DCPS: variants seen among roughly 807,000 people sequenced by gnomAD.
DCPS encodes the protein decapping enzyme, scavenger, also known as m7GpppX diphosphatase.
A neutral mutation model predicts 34.7 loss-of-function variants in DCPS; 27 were observed. The ratio of observed to expected loss-of-function variants is 0.78; its 90% CI spans 0.57 to 1.07. The LOEUF (loss-of-function observed/expected upper bound fraction) is 1.07, where lower values mean the gene tolerates loss of function less well. Among genes scored for constraint, DCPS ranks in the 50% least tolerant of loss-of-function variants. The probability of loss-of-function intolerance (pLI) is 0.00; values close to 1 mark genes in which losing one functional copy is unlikely to be tolerated. For missense variants in DCPS, 464 were observed against 436.9 expected (o/e 1.06, Z -0.55); for synonymous variants, 185 against 185.7 (o/e 1.00, Z 0.03).
chr11:126,343,999 C>T lies in DCPS; in HGVS notation c.747+582C>T, dbSNP rs150186003. Among the ~76,000 whole-genome samples, 734 of 152,266 alleles carry T rather than the reference C, an allele frequency of 4.8e-3. 6 individuals are homozygous for T. Among genetic ancestry groups the T allele is most frequent in the African/African-American group, 0.015 (613 of 41,550 alleles). On this transcript the variant is annotated intron_variant, in intron 5 of 5. Transcript: ENST00000263579. Reference sequence around the variant, plus strand: ...TCCTGGCCTGACATTTGGACCCTAACCAGCTGAGTGGCCTGGGGCAGGTCA... The same window carrying T: ...TCCTGGCCTGACATTTGGACCCTAATCAGCTGAGTGGCCTGGGGCAGGTCA...
Position 126,329,755 on chromosome 11 carries a change from C to T in DCPS, c.377-1650C>T, listed in dbSNP as rs1331619722. 9.2e-5 allele frequency among the ~76,000 whole-genome samples: 14 copies of T among 152,256 alleles called. No individual in the cohort carries two copies. Among genetic ancestry groups the T allele is most frequent in the African/African-American group, 2.2e-4 (9 of 41,548 alleles). ...CACCCTCTTCACTGACGTATGAAAG[C>T]GGGGTTAAAACCACCTATGACCTCA... On this transcript the variant is annotated intron_variant, in intron 2 of 5. Coordinates refer to ENST00000263579, the MANE Select transcript of DCPS (RefSeq NM_014026.6). The surrounding 1 kb of genome is among the most constrained non-coding windows in gnomAD (Gnocchi z 5.0).
Position 126,326,000 on chromosome 11 carries a change from C to A in DCPS, c.377-5405C>A, listed in dbSNP as rs1591386570. 2.0e-5 allele frequency among the ~76,000 whole-genome samples: 3 copies of A among 152,250 alleles called. No homozygotes were observed. The highest frequency in any genetic ancestry group is 6.5e-5 in the Admixed American group (1 of 15,288). ...AGGCGTGGTGGCGTGGGCCTGTAATCCTAGCTACTGGGGACGCTGAGGCAG... is the reference window on the plus strand; with the variant it reads ...AGGCGTGGTGGCGTGGGCCTGTAATACTAGCTACTGGGGACGCTGAGGCAG... On this transcript the variant is annotated intron_variant, in intron 2 of 5. Transcript: ENST00000263579. The surrounding 1 kb of genome is among the most constrained non-coding windows in gnomAD (Gnocchi z 4.3).
rs1223236639 is a variant in DCPS, at chr11:126,328,380, G to A, written c.377-3025G>A. Among the ~76,000 whole-genome samples the A allele has an allele frequency of 6.6e-6, 1 of 152,148 alleles. No individual in the cohort carries two copies. Among genetic ancestry groups the A allele is most frequent in the Non-Finnish European group, 1.5e-5 (1 of 68,012 alleles). On this transcript the variant is annotated intron_variant, in intron 2 of 5. Transcript: ENST00000263579. This position sits in a 1 kb window ranked among gnomAD's most constrained non-coding sequence, Gnocchi z 6.6. ...TTAGGAGTGAGTGCTCTAGGGGGACGTGGGGAGCTCTGAGAGTCCTGCAGT... is the reference window on the plus strand; with the variant it reads ...TTAGGAGTGAGTGCTCTAGGGGGACATGGGGAGCTCTGAGAGTCCTGCAGT...
intron 5 of DCPS, among the ~76,000 whole-genome samples, chr11:126,343,870 TTC>T (rs1329618066): frequency 1.3e-5 from 2 of 152,194 alleles, no homozygotes; most frequent in Non-Finnish European, 2.9e-5. Flanking sequence ...CTGGGATACT[TTC>T]TCTCTGGGAT....
chr11:126,326,876 T>TTG, intron 2 of DCPS, among the ~76,000 whole-genome samples: 1 of 151,052 alleles, frequency 6.6e-6, no homozygotes, highest in Non-Finnish European at 1.5e-5. Flanking sequence ...TGAGCCGAGA[T>TTG]CACGCCACTG....
In DCPS at chr11:126,322,172, G is replaced by A. The variant is rs112620004; in HGVS notation, c.377-9233G>A. Reference sequence around the variant, plus strand: ...TTTGAGATCCAACCACACCATCAGGGCATTGGAGACAGAAGAAAACAGGTC... The same window carrying A: ...TTTGAGATCCAACCACACCATCAGGACATTGGAGACAGAAGAAAACAGGTC... On this transcript the variant is annotated intron_variant, in intron 2 of 5. Transcript: ENST00000263579. This position sits in a 1 kb window ranked among gnomAD's most constrained non-coding sequence, Gnocchi z 4.2. Among the ~76,000 whole-genome samples, 1 of 152,316 alleles carries A rather than the reference G, an allele frequency of 6.6e-6. No individual in the cohort carries two copies. Among genetic ancestry groups the A allele is most frequent in the African/African-American group, 2.4e-5 (1 of 41,576 alleles).
At position 126,334,619 on chromosome 11, in the gene DCPS, C is replaced by T. The variant is rs1015592064; in HGVS notation, c.522+3069C>T. The stretch of plus-strand genomic sequence containing the variant: ...TTGGCCTCCCAAAGTGCTGGGATTA[C>T]AGGTGTGAGCCACCGCACCCAGCCT... On this transcript the variant is annotated intron_variant, in intron 3 of 5. Transcript: ENST00000263579. The surrounding 1 kb of genome is among the most constrained non-coding windows in gnomAD (Gnocchi z 5.5). Among the ~76,000 whole-genome samples, 15 of 152,204 alleles carry T rather than the reference C, an allele frequency of 9.9e-5. No individual in the cohort carries two copies. Among genetic ancestry groups the T allele is most frequent in the African/African-American group, 2.9e-4 (12 of 41,452 alleles).
At position 126,347,416 on chromosome 11, in the gene DCPS, G is replaced by A. The variant is rs896510668; in HGVS notation, c.*1803G>A. Among the ~76,000 whole-genome samples, 112 of 152,010 alleles carry A rather than the reference G, an allele frequency of 7.4e-4. No individual in the cohort carries two copies. The highest frequency in any genetic ancestry group is 2.6e-3 in the African/African-American group (109 of 41,396). On this transcript the variant is annotated 3_prime_UTR_variant, in exon 6 of 6. Transcript: ENST00000263579. This position sits in a 1 kb window ranked among gnomAD's most constrained non-coding sequence, Gnocchi z 4.2. ...TTTTTGTATTTTTAGTAGAGACGGG[G>A]TTTCACCATGTTGGCCAGGCTGGTC... is the stretch of plus-strand genomic sequence containing the variant.
In DCPS at chr11:126,333,839, C is replaced by T. The variant is rs1481010373; in HGVS notation, c.522+2289C>T. On this transcript the variant is annotated intron_variant, in intron 3 of 5. Transcript: ENST00000263579. The surrounding 1 kb of genome is among the most constrained non-coding windows in gnomAD (Gnocchi z 5.7). ...GCACTATTCCATATCTGCTGAATCT[C>T]ACGCTTCAGGGAGTGGAGCTGGGAA... is the stretch of plus-strand genomic sequence containing the variant. Among the ~76,000 whole-genome samples the T allele has an allele frequency of 6.6e-6, 1 of 152,008 alleles. No homozygotes were observed. Among genetic ancestry groups the T allele is most frequent in the African/African-American group, 2.4e-5 (1 of 41,354 alleles).
intron 4 of DCPS, among the ~76,000 whole-genome samples, chr11:126,339,308 G>A (rs1207376605): frequency 6.6e-6 from 1 of 152,300 alleles, no homozygotes; most frequent in Non-Finnish European, 1.5e-5. Context: ...TCTGCTTTCG[G>A]TGGGCCCGTC....
intron 2 of DCPS, among the ~76,000 whole-genome samples, chr11:126,311,313 C>T (rs115878390): frequency 6.6e-6 from 1 of 152,354 alleles, no homozygotes; most frequent in African/African-American, 2.4e-5. Flanking sequence ...CCTGGCTTTG[C>T]CATTTGCTAA....
rs1314184441 is a variant in DCPS, at chr11:126,348,933, ACGT to A, written c.*3322_*3324del. ...TGTCTTGTCCAGCATTATGGAGTGAACGTCAGCTCCAGGAAGCAGAGACTTCTG... is the reference window on the plus strand; with the variant it reads ...TGTCTTGTCCAGCATTATGGAGTGAACAGCTCCAGGAAGCAGAGACTTCTG... On this transcript the variant is annotated 3_prime_UTR_variant, in exon 6 of 6. Transcript: ENST00000263579. The surrounding 1 kb of genome is among the most constrained non-coding windows in gnomAD (Gnocchi z 5.3). 6.6e-6 allele frequency among the ~76,000 whole-genome samples: 1 copy of A among 152,222 alleles called. No individual in the cohort carries two copies. The highest frequency in any genetic ancestry group is 1.5e-5 in the Non-Finnish European group (1 of 68,048).
rs1256240532 is a variant in DCPS, at chr11:126,335,237, G to T, written c.523-3049G>T. Among the ~76,000 whole-genome samples the T allele has an allele frequency of 6.6e-6, 1 of 152,234 alleles. No individual in the cohort carries two copies. Among genetic ancestry groups the T allele is most frequent in the Non-Finnish European group, 1.5e-5 (1 of 68,034 alleles). ...GAAGGAGCAAGATGTCTCACGGGAG[G>T]TCAAGGCGGGAGAGAGGGTACCGAG... On this transcript the variant is annotated intron_variant, in intron 3 of 5. Transcript: ENST00000263579. This position sits in a 1 kb window ranked among gnomAD's most constrained non-coding sequence, Gnocchi z 4.8.
In DCPS at chr11:126,320,136, C is replaced by T. The variant is rs1951693648; in HGVS notation, c.377-11269C>T. 6.6e-6 allele frequency among the ~76,000 whole-genome samples: 1 copy of T among 151,922 alleles called. No homozygotes were observed. Among genetic ancestry groups the T allele is most frequent in the Non-Finnish European group, 1.5e-5 (1 of 67,990 alleles). ...TCCTGACCTCAAGTGATCCACCTGC[C>T]TCAGCCTCTCAAAGTGCTGGGATTA... On this transcript the variant is annotated intron_variant, in intron 2 of 5. Transcript: ENST00000263579. This position sits in a 1 kb window ranked among gnomAD's most constrained non-coding sequence, Gnocchi z 4.7.
At position 126,347,690 on chromosome 11, in the gene DCPS, G is replaced by A. The variant is rs1182287654; in HGVS notation, c.*2077G>A. ...TCTTGGGCTAAGCAAATACTTTTGT[G>A]GGCAGTGACACTGGCAGCTGCTGGG... is the stretch of plus-strand genomic sequence containing the variant. On this transcript the variant is annotated 3_prime_UTR_variant, in exon 6 of 6. Coordinates refer to ENST00000263579, the MANE Select transcript of DCPS (RefSeq NM_014026.6). The surrounding 1 kb of genome is among the most constrained non-coding windows in gnomAD (Gnocchi z 4.2). Among the ~76,000 whole-genome samples, 2 of 152,186 alleles carry A rather than the reference G, an allele frequency of 1.3e-5. No homozygotes were observed. Among genetic ancestry groups the A allele is most frequent in the African/African-American group, 2.4e-5 (1 of 41,458 alleles).
intron 2 of DCPS, among the ~76,000 whole-genome samples, chr11:126,309,081 A>C (rs1289964957): frequency 6.7e-6 from 1 of 149,818 alleles, no homozygotes; most frequent in Non-Finnish European, 1.5e-5. Flanking sequence ...CTGGAGTGCA[A>C]TGGCACGTTC....
At position 126,335,245 on chromosome 11, in the gene DCPS, G is replaced by T. The variant is rs939314637; in HGVS notation, c.523-3041G>T. ...AAGATGTCTCACGGGAGGTCAAGGCGGGAGAGAGGGTACCGAGGGAGCTGC... is the reference window on the plus strand; with the variant it reads ...AAGATGTCTCACGGGAGGTCAAGGCTGGAGAGAGGGTACCGAGGGAGCTGC... On this transcript the variant is annotated intron_variant, in intron 3 of 5. Coordinates refer to ENST00000263579, the MANE Select transcript of DCPS (RefSeq NM_014026.6). The surrounding 1 kb of genome is among the most constrained non-coding windows in gnomAD (Gnocchi z 4.8). Among the ~76,000 whole-genome samples, 1 of 152,220 alleles carries T rather than the reference G, an allele frequency of 6.6e-6. No homozygotes were observed.
At position 126,342,836 on chromosome 11, in the gene DCPS, T is replaced by C. The variant is rs1443194746; in HGVS notation, c.637-471T>C. Among the ~76,000 whole-genome samples, 1 of 151,960 alleles carries C rather than the reference T, an allele frequency of 6.6e-6. No individual in the cohort carries two copies. Among genetic ancestry groups the C allele is most frequent in the South Asian group, 2.1e-4 (1 of 4,808 alleles). ...GGCTCACGCCTGTAATCCCAGCACTTTGGGAGGCCGAGGCAGGCGGATCAT... is the reference window on the plus strand; with the variant it reads ...GGCTCACGCCTGTAATCCCAGCACTCTGGGAGGCCGAGGCAGGCGGATCAT... On this transcript the variant is annotated intron_variant, in intron 4 of 5. Coordinates refer to ENST00000263579, the MANE Select transcript of DCPS (RefSeq NM_014026.6). The surrounding 1 kb of genome is among the most constrained non-coding windows in gnomAD (Gnocchi z 4.4).
chr11:126,345,406 C>T lies in DCPS; in HGVS notation c.807C>T (p.Tyr269=), dbSNP rs1196505647. ...KGDHLRVYLH[Y]LPSYYHLHVH... ...ACCATCTGCGAGTATACCTGCACTA[C>T]CTGCCCTCCTACTACCACCTGCATG... The change falls in exon 6 of 6, where the codon TAC becomes TAT. Residue 269 remains tyrosine (Y), a synonymous_variant. Transcript: ENST00000263579. This position sits in a 1 kb window ranked among gnomAD's most constrained non-coding sequence, Gnocchi z 7.4. The T allele has an allele frequency of 1.2e-6, 2 of 1,614,234 alleles. No homozygotes were observed. Among genetic ancestry groups the T allele is most frequent in the Admixed American group, 1.7e-5 (1 of 60,038 alleles).
Sources: allele counts gnomAD v4.1 joint callset (sites outside exome capture counted in the v4.1 genomes callset), GRCh38; gene constraint gnomAD v4.1.1; non-coding constraint Gnocchi (gnomAD v3.1); transcripts MANE v1.5; gene names NCBI Gene and HGNC (gene_info 2026-07-23, HGNC 2026-07-21).